Variants in ST3GAL1 observed in about 807,000 individuals in gnomAD.
The protein encoded by ST3GAL1 is CMP-N-acetylneuraminate-beta-galactosamide-alpha-2,3-sialyltransferase 1.
A neutral mutation model predicts 34.1 loss-of-function variants in ST3GAL1; 16 were observed. That is an observed-to-expected ratio of 0.47 (90% CI 0.32 to 0.71). The LOEUF (loss-of-function observed/expected upper bound fraction) is 0.71. Among genes scored for constraint, ST3GAL1 ranks in the 30% least tolerant of loss-of-function variants. ST3GAL1 has a pLI of 0.04. For synonymous variants in ST3GAL1, 191 were observed against 184.7 expected (o/e 1.03, Z -0.28); for missense variants, 353 against 447.4 (o/e 0.79, Z 1.90).
Position 133,475,908 on chromosome 8 carries a change from G to C in ST3GAL1, c.117C>G (p.Pro39=). Reference sequence around the variant, plus strand: ...CGGAGAGCTCCAGGACCATCTGCTTGGGGAACCAGGTGGTGGCCACCATGG... The same window carrying C: ...CGGAGAGCTCCAGGACCATCTGCTTCGGGAACCAGGTGGTGGCCACCATGG... ...SHTMVATTWF[P]KQMVLELSEN... is the part of the protein sequence containing the mutation. The change falls in exon 5 of 10, where the codon CCC becomes CCG. Residue 39 remains proline, a synonymous_variant. Transcript: ENST00000522652. 5 of 1,614,060 alleles carry C rather than the reference G, an allele frequency of 3.1e-6. No homozygotes were observed. The highest frequency in any genetic ancestry group is 4.2e-6 in the Non-Finnish European group (5 of 1,180,042).
chr8:133,504,765 A>C (rs1246620002), intron 2 of ST3GAL1, among the ~76,000 whole-genome samples: 1 of 152,192 alleles, frequency 6.6e-6, no homozygotes, highest in Non-Finnish European at 1.5e-5. Flanking sequence ...AGGAGGTCAG[A>C]CTGGCAACTC....
intron 2 of ST3GAL1, among the ~76,000 whole-genome samples, chr8:133,536,036 T>C (rs1049142057): frequency 6.6e-6 from 1 of 152,188 alleles, no homozygotes; most frequent in African/African-American, 2.4e-5. Flanking sequence ...GCTGTTGTTA[T>C]CCGTTATGTC....
chr8:133,485,989 T>C (rs1816576199), intron 3 of ST3GAL1, among the ~76,000 whole-genome samples: 1 of 152,212 alleles, frequency 6.6e-6, no homozygotes, highest in Non-Finnish European at 1.5e-5. Context: ...ACCATCACCT[T>C]TGTCTTTTCT....
chr8:133,549,263 G>A (rs1303938493), intron 1 of ST3GAL1, among the ~76,000 whole-genome samples: 8 of 152,072 alleles, frequency 5.3e-5, no homozygotes, highest in Non-Finnish European at 1.2e-4. Flanking sequence ...TTAGCCAGGC[G>A]TGGTGGCACA....
chr8:133,499,645 G>T (rs1817083950), intron 2 of ST3GAL1, among the ~76,000 whole-genome samples: 1 of 152,154 alleles, frequency 6.6e-6, no homozygotes, highest in Non-Finnish European at 1.5e-5. Flanking sequence ...CTTTTTCTGG[G>T]ACCTGCTGTG....
Position 133,556,807 on chromosome 8 carries a change from G to C in ST3GAL1, c.-581-10881C>G, listed in dbSNP as rs1301847916. Among the ~76,000 whole-genome samples, 1 of 152,140 alleles carries C rather than the reference G, an allele frequency of 6.6e-6. No individual in the cohort carries two copies. The highest frequency in any genetic ancestry group is 1.5e-5 in the Non-Finnish European group (1 of 68,024). On this transcript the variant is annotated intron_variant, in intron 1 of 9. Coordinates refer to ENST00000522652, the MANE Select transcript of ST3GAL1 (RefSeq NM_173344.3). The surrounding 1 kb of genome is among the most constrained non-coding windows in gnomAD (Gnocchi z 8.9). The stretch of plus-strand genomic sequence containing the variant: ...TCCTATTTATAGCCCTTTGAAATAT[G>C]GTGTGGTGGAGGGGGGACATTTTGT...
At chr8:133,499,882 A>G (rs1389699528) in intron 2 of ST3GAL1, among the ~76,000 whole-genome samples, 25 of 152,130 alleles carry the variant, frequency 1.6e-4, no homozygotes, top group Non-Finnish European at 2.9e-5. Flanking sequence ...CACTCGCAAC[A>G]GGGCTGGGGG....
In ST3GAL1 at chr8:133,555,203, T is replaced by A. The variant is rs557055725; in HGVS notation, c.-581-9277A>T. Among the ~76,000 whole-genome samples, 5 of 152,208 alleles carry A rather than the reference T, an allele frequency of 3.3e-5. No homozygotes were observed. In the East Asian group the frequency reaches 9.7e-4, roughly 29 times the overall value. On this transcript the variant is annotated intron_variant, in intron 1 of 9. Transcript: ENST00000522652. ...TCTGCCTTTGCTTTTTCTTCACCCG[T>A]CTCAGCCTGGCCGGGCTTTAGTTCA...
intron 1 of ST3GAL1, among the ~76,000 whole-genome samples, chr8:133,560,916 TA>T (rs760218172): frequency 8.5e-5 from 13 of 152,262 alleles, no homozygotes; most frequent in Admixed American, 2.0e-4. Context: ...AGAGTCACTG[TA>T]AAGACTAGGC....
At chr8:133,562,841 C>CCTTCCTTCCTTCCTTCCTTCCTTCCTTT (rs1491286901) in intron 1 of ST3GAL1, among the ~76,000 whole-genome samples, 1 of 82,496 alleles carries the variant, frequency 1.2e-5, no homozygotes, top group African/African-American at 4.5e-5. Context: ...TTCCTTCCTT[C>CCTTCCTTCCTTCCTTCCTTCCTTCCTTT]CTTTCTTTCT....
rs1563738955 is a variant in ST3GAL1, at chr8:133,551,546, GAAAGAAAGAAAGAAAGAAAGAAA to G, written c.-581-5643_-581-5621del. Among the ~76,000 whole-genome samples the G allele has an allele frequency of 3.3e-4, 3 of 9,104 alleles. No homozygotes were observed. The East Asian group carries it at 0.01, about 32-fold the overall frequency. 6.0% of individuals were successfully genotyped at this position (9,104 alleles called of 152,430 possible). A position where few individuals can be genotyped will look rare whatever the true frequency, so the allele number is the denominator to read the frequency against. ...AGAAAGAGAAAGAAAGAGAAGGAAAGAAAGAAAGAAAGAAAGAAAGAAAGAAAGAAAGAAAGAAAGAAAGAAAG... is the reference window on the plus strand; with the variant it reads ...AGAAAGAGAAAGAAAGAGAAGGAAAGGAAAGAAAGAAAGAAAGAAAGAAAG... On this transcript the variant is annotated intron_variant, in intron 1 of 9. Transcript: ENST00000522652.
At chr8:133,501,107 C>T (rs10100754) in intron 2 of ST3GAL1, among the ~76,000 whole-genome samples, 26,319 of 152,092 alleles carry the variant, frequency 0.17, 2,500 homozygotes, top group Middle Eastern at 0.32. Context: ...CCTCAGACAT[C>T]GTTCTTTCTA....
rs1299987719 is a variant in ST3GAL1, at chr8:133,541,166, C to CT, written c.-429+4607_-429+4608insA. On this transcript the variant is annotated intron_variant, in intron 2 of 9. Transcript: ENST00000522652. The stretch of plus-strand genomic sequence containing the variant: ...AGAGAGAGAGAGACTGTGTGTCTCT[C>CT]CCTCTTTCTCACCCCTAGCTAGGAT... 1.4e-4 allele frequency among the ~76,000 whole-genome samples: 14 copies of CT among 96,756 alleles called. No individual in the cohort carries two copies. The East Asian group carries it at 3.3e-3, about 23-fold the overall frequency. 63.5% of individuals were successfully genotyped at this position (96,756 alleles called of 152,430 possible).
intron 2 of ST3GAL1, among the ~76,000 whole-genome samples, chr8:133,527,055 A>C (rs3779926): frequency 0.084 from 12,855 of 152,188 alleles, 945 homozygotes; most frequent in African/African-American, 0.19. Context: ...TGACTGATTG[A>C]AGGCCCAGGG....
chr8:133,555,788 G>A (rs1455627324), intron 1 of ST3GAL1, among the ~76,000 whole-genome samples: 1 of 152,174 alleles, frequency 6.6e-6, no homozygotes, highest in Non-Finnish European at 1.5e-5. Context: ...GCTGCTGTTG[G>A]AACGGCTCAC....
chr8:133,479,902 A>T (rs1816318970), intron 3 of ST3GAL1, among the ~76,000 whole-genome samples: 1 of 152,232 alleles, frequency 6.6e-6, no homozygotes, highest in Non-Finnish European at 1.5e-5. Context: ...CCCTGGCTGC[A>T]GGGAAGAAAC....
chr8:133,463,358 G>A lies in ST3GAL1; in HGVS notation c.729+56C>T, dbSNP rs900812511. On this transcript the variant is annotated intron_variant, in intron 8 of 9. Coordinates refer to ENST00000522652, the MANE Select transcript of ST3GAL1 (RefSeq NM_173344.3). ...CAACTCAATGCCGTACCTTAGAGCA[G>A]AGCCTTAGATGAGGAAGCCTGAACT... The A allele has an allele frequency of 2.5e-6, 4 of 1,598,914 alleles. No individual in the cohort carries two copies. The African/African-American group carries it at 5.4e-5, about 21-fold the overall frequency.
At chr8:133,463,577 CA>C in intron 7 of ST3GAL1, 118 bp from the exon 8 acceptor site, 3 of 1,115,122 alleles carry the variant, frequency 2.7e-6, no homozygotes, top group Non-Finnish European at 4.0e-6. Flanking sequence ...TCCTGCCCCC[CA>C]TAGCTTCCCT....
At chr8:133,564,395 C>T (rs559280929) in intron 1 of ST3GAL1, among the ~76,000 whole-genome samples, 31 of 152,266 alleles carry the variant, frequency 2.0e-4, no homozygotes, top group Non-Finnish European at 4.0e-4. Context: ...CACTGGAAAA[C>T]CTATTCTGTT....
Sources: gnomAD v4.1 joint callset for allele counts (sites outside exome capture counted in the v4.1 genomes callset) on GRCh38, gnomAD v4.1.1 for gene constraint, Gnocchi (gnomAD v3.1) non-coding constraint, MANE v1.5 for transcripts, NCBI Gene and HGNC (gene_info 2026-07-23, HGNC 2026-07-21) for gene names.